The following RAB30 variants were observed in gnomAD, a reference collection of about 807,000 sequenced individuals.
RAB30 encodes the protein RAB30, member RAS oncogene family, also known as ras-related protein Rab-30.
Under a neutral mutation model 25.1 loss-of-function variants are expected in RAB30, and 9 were observed. The observed-to-expected ratio is 0.36, with a 90% CI of 0.22 to 0.63. The LOEUF is 0.63. RAB30 is among the 20% of genes least tolerant of loss of function. The probability of loss-of-function intolerance (pLI) is 0.69; values close to 1 mark genes in which losing one functional copy is unlikely to be tolerated. For synonymous variants in RAB30, 77 were observed against 86.4 expected (o/e 0.89, Z 0.60); for missense variants, 140 against 243.5 (o/e 0.58, Z 2.83).
intron 1 of RAB30, among the ~76,000 whole-genome samples, chr11:83,026,725 A>G (rs1165510742): frequency 1.3e-5 from 2 of 152,212 alleles, no homozygotes; most frequent in Non-Finnish European, 2.9e-5. Context: ...AGAGCAGCCA[A>G]TCTGGAGAAG....
chr11:83,064,767 G>A (rs921114145), intron 1 of RAB30, among the ~76,000 whole-genome samples: 35 of 152,120 alleles, frequency 2.3e-4, no homozygotes, highest in African/African-American at 7.5e-4. Context: ...TATCTACAAC[G>A]TGTCAGGTTA....
chr11:82,984,280 G>C (rs2121433549), intron 4 of RAB30, among the ~76,000 whole-genome samples: 2 of 152,334 alleles, frequency 1.3e-5, no homozygotes, highest in Middle Eastern at 6.8e-3. Context: ...CATTTGAAGA[G>C]ACCCTGGAAG....
chr11:83,060,674 T>C lies in RAB30; in HGVS notation c.-9+11017A>G, dbSNP rs200308419. 2.0e-5 allele frequency among the ~76,000 whole-genome samples: 3 copies of C among 152,254 alleles called. No homozygotes were observed. In the East Asian group the frequency reaches 5.8e-4, roughly 29 times the overall value. On this transcript the variant is annotated intron_variant, in intron 1 of 4. Transcript: ENST00000527633. ...CTTGGAATCTTCAAAAATTTCAATATCATAAAAGGCAAAAAAGGCAAGGGT... is the reference window on the plus strand; with the variant it reads ...CTTGGAATCTTCAAAAATTTCAATACCATAAAAGGCAAAAAAGGCAAGGGT...
At chr11:83,038,260 C>T (rs562230352) in intron 1 of RAB30, among the ~76,000 whole-genome samples, 6 of 152,278 alleles carry the variant, frequency 3.9e-5, no homozygotes, top group South Asian at 2.1e-4. Context: ...ATGAGATCAA[C>T]GTTAGCTAAT....
At chr11:83,031,613 C>T (rs938090889) in intron 1 of RAB30, among the ~76,000 whole-genome samples, 28 of 151,806 alleles carry the variant, frequency 1.8e-4, no homozygotes, top group African/African-American at 5.6e-4. Context: ...CCGCAACCTC[C>T]GTTTCCCGGG....
chr11:83,065,185 C>T lies in RAB30; in HGVS notation c.-9+6506G>A, dbSNP rs1441971458. Among the ~76,000 whole-genome samples, 3 of 151,612 alleles carry T rather than the reference C, an allele frequency of 2.0e-5. No individual in the cohort carries two copies. The East Asian group carries it at 5.8e-4, about 30-fold the overall frequency. ...GGAGGACCACTTGAGCCCAGGAGTT[C>T]AAGACTAGCCTGGGCAACATAGTGA... On this transcript the variant is annotated intron_variant, in intron 1 of 4. Coordinates refer to ENST00000527633, the MANE Select transcript of RAB30 (RefSeq NM_001286060.2).
At chr11:83,003,070 A>C (rs969263827) in intron 1 of RAB30, among the ~76,000 whole-genome samples, 20 of 152,186 alleles carry the variant, frequency 1.3e-4, no homozygotes, top group Non-Finnish European at 2.5e-4. Context: ...TTCCCACAAC[A>C]GCAAGTGTGG....
intron 1 of RAB30, among the ~76,000 whole-genome samples, chr11:83,000,952 TAGG>T (rs1565272438): frequency 7.3e-6 from 1 of 137,482 alleles, no homozygotes; most frequent in African/African-American, 2.8e-5. Flanking sequence ...GAGGCTGAGG[TAGG>T]AGAATGGCGT....
intron 4 of RAB30, among the ~76,000 whole-genome samples, chr11:82,986,866 T>C (rs1476714604): frequency 6.6e-6 from 1 of 152,226 alleles, no homozygotes; most frequent in African/African-American, 2.4e-5. Context: ...TAACAATGCT[T>C]CTAAGGATCT....
At chr11:83,040,145 A>G (rs889305441) in intron 1 of RAB30, among the ~76,000 whole-genome samples, 3 of 152,230 alleles carry the variant, frequency 2.0e-5, no homozygotes, top group African/African-American at 4.8e-5. Context: ...GGAATAGGAT[A>G]CAACACACAA....
chr11:82,994,369 A>G (rs1856916984), intron 2 of RAB30, among the ~76,000 whole-genome samples: 1 of 152,204 alleles, frequency 6.6e-6, no homozygotes, highest in Admixed American at 6.5e-5. Flanking sequence ...ACAGGAGGAC[A>G]GAGAAAAGGA....
chr11:82,997,830 G>T (rs1856990137), intron 1 of RAB30, among the ~76,000 whole-genome samples: 1 of 152,174 alleles, frequency 6.6e-6, no homozygotes, highest in Non-Finnish European at 1.5e-5. Flanking sequence ...GGAAGTCTTA[G>T]GGTCTTACAA....
chr11:82,985,364 C>T (rs1425392308), intron 4 of RAB30, among the ~76,000 whole-genome samples: 1 of 152,126 alleles, frequency 6.6e-6, no homozygotes, highest in Non-Finnish European at 1.5e-5. Flanking sequence ...CAGCTTATTA[C>T]CTTGAAAAGT....
chr11:83,070,036 T>C (rs902614244), intron 1 of RAB30, among the ~76,000 whole-genome samples: 9 of 147,986 alleles, frequency 6.1e-5, no homozygotes, highest in African/African-American at 2.3e-4. Context: ...GATATGCTGG[T>C]GATAAAGGAG....
chr11:83,041,144 T>G (rs1349763682), intron 1 of RAB30: 5 of 151,320 alleles, frequency 3.3e-5, no homozygotes, highest in Non-Finnish European at 7.4e-5. Context: ...TGCAGTGAGC[T>G]GAGATCACAC....
At position 82,997,339 on chromosome 11, in the gene RAB30, C is replaced by T. The variant is rs948372911; in HGVS notation, c.-8-15G>A. The stretch of plus-strand genomic sequence containing the variant: ...CATTTACACAGCTGCAAGGCAAACA[C>T]AGGCAAAAGTGAGAAAGGCCCAGTC... On this transcript the variant is annotated splice_polypyrimidine_tract_variant and intron_variant, in intron 1 of 4. Transcript: ENST00000527633. 2 of 1,558,118 alleles carry T rather than the reference C, an allele frequency of 1.3e-6. No individual in the cohort carries two copies. Among genetic ancestry groups the T allele is most frequent in the Middle Eastern group, 1.7e-4 (1 of 5,950 alleles).
Position 82,994,049 on chromosome 11 carries a change from T to C in RAB30, c.167A>G (p.Glu56Gly). 4 of 1,608,330 alleles carry C rather than the reference T, an allele frequency of 2.5e-6. No homozygotes were observed. The highest frequency in any genetic ancestry group is 3.4e-6 in the Non-Finnish European group (4 of 1,174,830). ...FMIKTVEING[E>G]KVKLQIWDTA... ...TATTTAGCACCTTACCTTTACTTTT[T>C]CACCATTAATCTCCACTGTCTTAAT... Residue 56 changes from glutamate (E) to glycine (G), a missense_variant, in exon 3 of 5, where the codon GAA becomes GGA. By Grantham distance (98) the Glu-to-Gly change is moderately conservative. Transcript: ENST00000527633.
chr11:82,989,637 G>C (rs979890811), intron 3 of RAB30, among the ~76,000 whole-genome samples: 1 of 152,222 alleles, frequency 6.6e-6, no homozygotes, highest in African/African-American at 2.4e-5. Context: ...TTTAGGAACT[G>C]TTCAGTATTA....
At chr11:83,018,479 G>C (rs1457419688) in intron 1 of RAB30, among the ~76,000 whole-genome samples, 1 of 151,934 alleles carries the variant, frequency 6.6e-6, no homozygotes, top group East Asian at 1.9e-4. Context: ...TTGACCATTT[G>C]TATATCTTCT....
Sources: gnomAD v4.1 joint callset for allele counts (sites outside exome capture counted in the v4.1 genomes callset) on GRCh38, gnomAD v4.1.1 for gene constraint, MANE v1.5 for transcripts, NCBI Gene and HGNC (gene_info 2026-07-23, HGNC 2026-07-21) for gene names.